Variants in SHROOM3 observed in about 807,000 individuals in gnomAD.
SHROOM3 encodes shroom family member 3.
Under a neutral mutation model 138.6 loss-of-function variants are expected in SHROOM3, and 47 were observed. The ratio of observed to expected loss-of-function variants is 0.34; its 90% CI spans 0.27 to 0.43. The LOEUF (loss-of-function observed/expected upper bound fraction) is 0.43. SHROOM3 is among the 20% of genes least tolerant of loss of function. The probability of loss-of-function intolerance (pLI) is 1.00; values close to 1 mark genes in which losing one functional copy is unlikely to be tolerated. For missense variants in SHROOM3, 2,491 were observed against 2,596.5 expected, an observed-to-expected ratio of 0.96 and a Z score of 0.88; for synonymous variants, 1,062 against 1,063.3, an observed-to-expected ratio of 1.00 and a Z score of 0.02.
intron 5 of SHROOM3, among the ~76,000 whole-genome samples, chr4:76,747,448 A>G (rs910667730): frequency 3.3e-5 from 5 of 152,226 alleles, no homozygotes; most frequent in Non-Finnish European, 5.9e-5. Flanking sequence ...AATTCTCTCA[A>G]TAGTTTATTA....
intron 2 of SHROOM3, among the ~76,000 whole-genome samples, chr4:76,597,413 A>G (rs1734414141): frequency 6.6e-6 from 1 of 152,170 alleles, no homozygotes; most frequent in African/African-American, 2.4e-5. Context: ...TGGAAATATG[A>G]GACATTGAGA....
At chr4:76,487,561 G>T (rs1731758361) in intron 1 of SHROOM3, among the ~76,000 whole-genome samples, 1 of 152,002 alleles carries the variant, frequency 6.6e-6, no homozygotes, top group Non-Finnish European at 1.5e-5. Flanking sequence ...TATATATCTG[G>T]CTTGGCTGGT....
At chr4:76,549,403 C>T (rs1351734111) in intron 1 of SHROOM3, among the ~76,000 whole-genome samples, 1 of 151,806 alleles carries the variant, frequency 6.6e-6, no homozygotes, top group Non-Finnish European at 1.5e-5. Context: ...GCGTCTCGCT[C>T]TGTTGCCCGG....
intron 1 of SHROOM3, among the ~76,000 whole-genome samples, chr4:76,524,565 A>G (rs1732640130): frequency 6.6e-6 from 1 of 152,184 alleles, no homozygotes; most frequent in Non-Finnish European, 1.5e-5. Flanking sequence ...TAATTAACAA[A>G]ACAGGGTTTC....
intron 2 of SHROOM3, among the ~76,000 whole-genome samples, chr4:76,613,600 C>G (rs1309326522): frequency 6.6e-6 from 1 of 152,230 alleles, no homozygotes; most frequent in East Asian, 1.9e-4. Flanking sequence ...AATTGGAAAA[C>G]TCAGATAGGG....
rs1436998559 is a variant in SHROOM3, at chr4:76,435,972, A to G, written c.-81A>G. The G allele has an allele frequency of 4.0e-6, 6 of 1,491,012 alleles. No homozygotes were observed. Among genetic ancestry groups the G allele is most frequent in the Non-Finnish European group, 4.6e-6 (5 of 1,081,574 alleles). The allele number at this position is 1,491,012 out of a possible 1,614,324, so 92.4% of individuals were successfully genotyped here. On this transcript the variant is annotated 5_prime_UTR_variant, in exon 1 of 11. Transcript: ENST00000296043. Reference sequence around the variant, plus strand: ...GCCATTGTGTGTCCTGAAGGATGGGACAACTTGTGCTGTAGAAGCACTGCT... The same window carrying G: ...GCCATTGTGTGTCCTGAAGGATGGGGCAACTTGTGCTGTAGAAGCACTGCT...
intron 2 of SHROOM3, among the ~76,000 whole-genome samples, chr4:76,611,694 G>A (rs1560564552): frequency 6.6e-6 from 1 of 152,154 alleles, no homozygotes; most frequent in African/African-American, 2.4e-5. Context: ...GCAGAGGAAA[G>A]TTCTTTAATA....
chr4:76,711,421 A>G (rs1224324903), intron 3 of SHROOM3, among the ~76,000 whole-genome samples: 1 of 152,208 alleles, frequency 6.6e-6, no homozygotes, highest in Non-Finnish European at 1.5e-5. Flanking sequence ...TCTTTCATAT[A>G]GACATGTCGA....
intron 10 of SHROOM3, among the ~76,000 whole-genome samples, chr4:76,774,488 T>A (rs554318658): frequency 1.1e-4 from 16 of 152,074 alleles, no homozygotes; most frequent in African/African-American, 3.4e-4. Context: ...CTAAAAAAAA[T>A]TTTTTTAATC....
intron 2 of SHROOM3, among the ~76,000 whole-genome samples, chr4:76,625,573 G>T (rs914909148): frequency 4.0e-5 from 6 of 151,580 alleles, no homozygotes; most frequent in Non-Finnish European, 8.8e-5. Context: ...ATAAAGTCAA[G>T]ATTTACACAC....
At chr4:76,681,504 G>A (rs1486492693) in intron 2 of SHROOM3, among the ~76,000 whole-genome samples, 1 of 151,846 alleles carries the variant, frequency 6.6e-6, no homozygotes, top group African/African-American at 2.4e-5. Flanking sequence ...TCATTCAGCT[G>A]GGAGACAGAA....
intron 2 of SHROOM3, among the ~76,000 whole-genome samples, chr4:76,670,775 A>C (rs1718855652): frequency 6.6e-6 from 1 of 152,002 alleles, no homozygotes; most frequent in Non-Finnish European, 1.5e-5. Context: ...CAATATGGCA[A>C]AACCCTCTCT....
chr4:76,631,351 G>A (rs1165795086), intron 2 of SHROOM3, among the ~76,000 whole-genome samples: 1 of 151,808 alleles, frequency 6.6e-6, no homozygotes, highest in Non-Finnish European at 1.5e-5. Context: ...GAGATTACAG[G>A]TGCCTGCCAC....
intron 2 of SHROOM3, among the ~76,000 whole-genome samples, chr4:76,657,951 A>G (rs138271223): frequency 5.3e-5 from 8 of 152,254 alleles, no homozygotes; most frequent in African/African-American, 1.9e-4. Flanking sequence ...GGAGTTCAGC[A>G]CGTTCATTGG....
At chr4:76,561,709 AG>A (rs1200639517) in intron 2 of SHROOM3, among the ~76,000 whole-genome samples, 3 of 141,650 alleles carry the variant, frequency 2.1e-5, no homozygotes, top group African/African-American at 5.1e-5. Context: ...AAAAAAAAAG[AG>A]AGAGAGACAA....
At chr4:76,726,632 C>T (rs1036414558) in intron 3 of SHROOM3, among the ~76,000 whole-genome samples, 1 of 151,216 alleles carries the variant, frequency 6.6e-6, no homozygotes, top group African/African-American at 2.4e-5. Context: ...CAGCTTCAAA[C>T]TCCTGGGTTC....
chr4:76,573,414 T>C (rs1733870869), intron 2 of SHROOM3, among the ~76,000 whole-genome samples: 1 of 148,546 alleles, frequency 6.7e-6, no homozygotes, highest in Non-Finnish European at 1.5e-5. Flanking sequence ...ATAATAATAA[T>C]AATAATAATA....
chr4:76,755,271 C>G (rs1721769448), intron 7 of SHROOM3, 79 bp downstream of exon 7: 2 of 1,502,298 alleles, frequency 1.3e-6, no homozygotes, highest in Admixed American at 1.9e-5. Flanking sequence ...CTTCTGCTGG[C>G]CACAGAAGAA....
intron 2 of SHROOM3, chr4:76,559,357 C>T (rs1733552803): frequency 6.6e-6 from 1 of 152,146 alleles, no homozygotes; most frequent in Non-Finnish European, 1.5e-5. Context: ...CCGTCACTTT[C>T]CTGAGAAGTC....
Sources: allele counts gnomAD v4.1 joint callset (sites outside exome capture counted in the v4.1 genomes callset), GRCh38; gene constraint gnomAD v4.1.1; transcripts MANE v1.5; gene names NCBI Gene and HGNC (gene_info 2026-07-23, HGNC 2026-07-21).